Variants in DENND1A observed in about 807,000 individuals in gnomAD.
DENND1A encodes the protein DENN domain containing 1A, also known as DENN domain-containing protein 1A.
In DENND1A, 51 loss-of-function variants were observed where a neutral mutation model predicts 113.7. The ratio of observed to expected loss-of-function variants is 0.45; its 90% CI spans 0.36 to 0.57. DENND1A has a LOEUF of 0.57. Among genes scored for constraint, DENND1A ranks in the 20% least tolerant of loss-of-function variants. The pLI is 0.00. For missense variants in DENND1A, 1,258 were observed against 1,395.9 expected (o/e 0.90, Z 1.57); for synonymous variants, 565 against 570.8 (o/e 0.99, Z 0.14).
chr9:123,753,579 T>C (rs929048448), intron 5 of DENND1A, among the ~76,000 whole-genome samples: 15 of 152,214 alleles, frequency 9.9e-5, no homozygotes, highest in Admixed American at 5.2e-4. Context: ...TGAATTTACG[T>C]CCCATGACAC....
intron 1 of DENND1A, among the ~76,000 whole-genome samples, chr9:123,916,361 T>C (rs1855126197): frequency 6.7e-6 from 1 of 148,948 alleles, no homozygotes; most frequent in African/African-American, 2.5e-5. Flanking sequence ...TGAATATATC[T>C]ACGTATTTGC....
chr9:123,733,725 G>A (rs2068357366), intron 5 of DENND1A, among the ~76,000 whole-genome samples: 1 of 150,736 alleles, frequency 6.6e-6, no homozygotes, highest in Middle Eastern at 3.2e-3. Context: ...GAGTGCAATG[G>A]CACAGTCTTG....
At chr9:123,504,974 T>C (rs2052792588) in intron 13 of DENND1A, among the ~76,000 whole-genome samples, 1 of 152,206 alleles carries the variant, frequency 6.6e-6, no homozygotes, top group South Asian at 2.1e-4. Context: ...GGCGACAGCA[T>C]GACACAAGAA....
intron 6 of DENND1A, among the ~76,000 whole-genome samples, chr9:123,672,617 A>G (rs2063822738): frequency 6.6e-6 from 1 of 152,152 alleles, no homozygotes; most frequent in African/African-American, 2.4e-5. Flanking sequence ...AAGAGTGAGT[A>G]CATCATGAAT....
chr9:123,801,968 G>A (rs1427297793), intron 2 of DENND1A, among the ~76,000 whole-genome samples: 3 of 152,188 alleles, frequency 2.0e-5, no homozygotes, highest in Non-Finnish European at 4.4e-5. Context: ...TGAATTAACA[G>A]TCAATCATAC....
chr9:123,769,656 G>C lies in DENND1A; in HGVS notation c.133-93C>G, dbSNP rs991797777. The C allele has an allele frequency of 1.1e-4, 113 of 1,051,402 alleles. 3 individuals are homozygous for C. The Admixed American group carries it at 2.7e-3, about 26-fold the overall frequency. The allele number at this position is 1,051,402 out of a possible 1,614,324, so 65.1% of individuals were successfully genotyped here. A position where few individuals can be genotyped will look rare whatever the true frequency, so the allele number is the denominator to read the frequency against. On this transcript the variant is annotated intron_variant, in intron 3 of 23. Coordinates refer to ENST00000394215, the MANE Select transcript of DENND1A (RefSeq NM_001352964.2). Reference sequence around the variant, plus strand: ...CACAATCTAGCAACTTTACCCTAAAGAAAGAGGAGACAGATGAAGAAATAT... The same window carrying C: ...CACAATCTAGCAACTTTACCCTAAACAAAGAGGAGACAGATGAAGAAATAT...
At chr9:123,901,940 A>G (rs1433246143) in intron 1 of DENND1A, among the ~76,000 whole-genome samples, 1 of 152,176 alleles carries the variant, frequency 6.6e-6, no homozygotes, top group Middle Eastern at 3.2e-3. Context: ...CGGGAGACAG[A>G]GCTTGCAGTG....
intron 13 of DENND1A, among the ~76,000 whole-genome samples, chr9:123,529,367 C>T (rs1312252478): frequency 2.0e-5 from 3 of 152,110 alleles, no homozygotes; most frequent in Admixed American, 2.0e-4. Flanking sequence ...ACTCTGTGGG[C>T]GCTTAACAAA....
chr9:123,690,423 TATA>T (rs1429699544), intron 5 of DENND1A, among the ~76,000 whole-genome samples: 2 of 152,180 alleles, frequency 1.3e-5, no homozygotes, highest in South Asian at 2.1e-4. Context: ...AACCTAAATG[TATA>T]ATAATAGAAT....
chr9:123,380,347 G>A lies in DENND1A; in HGVS notation c.*1085C>T, dbSNP rs2042215277. ...TCTAACTTTGGTGACGTTGGCCTCA[G>A]GAATTTCTGTGCTGGCCTGGAGCTC... On this transcript the variant is annotated 3_prime_UTR_variant, in exon 24 of 24. Coordinates refer to ENST00000394215, the MANE Select transcript of DENND1A (RefSeq NM_001352964.2). 1 of 152,594 alleles carries A rather than the reference G, an allele frequency of 6.6e-6. No individual in the cohort carries two copies. The highest frequency in any genetic ancestry group is 1.5e-5 in the Non-Finnish European group (1 of 68,044). The allele number at this position is 152,594 out of a possible 1,614,324, so 9.5% of individuals were successfully genotyped here.
Position 123,651,895 on chromosome 9 carries a change from C to T in DENND1A, c.618+118G>A, listed in dbSNP as rs2139410585. 5 of 687,458 alleles carry T rather than the reference C, an allele frequency of 7.3e-6. No homozygotes were observed. In the South Asian group the frequency reaches 1.1e-4, roughly 15 times the overall value. The allele number at this position is 687,458 out of a possible 1,614,324, so 42.6% of individuals were successfully genotyped here. On this transcript the variant is annotated intron_variant, in intron 9 of 23. Coordinates refer to ENST00000394215, the MANE Select transcript of DENND1A (RefSeq NM_001352964.2). ...ATGAACAATTAATGAAAATGACATGCTGCCATATAAGGGGACTGTAGCTGA... is the reference window on the plus strand; with the variant it reads ...ATGAACAATTAATGAAAATGACATGTTGCCATATAAGGGGACTGTAGCTGA...
At chr9:123,840,941 T>C (rs2132957068) in intron 2 of DENND1A, among the ~76,000 whole-genome samples, 1 of 152,328 alleles carries the variant, frequency 6.6e-6, no homozygotes, top group Admixed American at 6.5e-5. Context: ...ATGCAGAATG[T>C]TAAGTGGCAT....
chr9:123,487,919 G>T (rs1320731610), intron 13 of DENND1A, among the ~76,000 whole-genome samples: 1 of 152,194 alleles, frequency 6.6e-6, no homozygotes, highest in African/African-American at 2.4e-5. Context: ...ACACAGAGCT[G>T]GGCAAATGCC....
intron 13 of DENND1A, among the ~76,000 whole-genome samples, chr9:123,503,207 G>A (rs1008992519): frequency 2.0e-5 from 3 of 152,216 alleles, no homozygotes; most frequent in Non-Finnish European, 4.4e-5. Flanking sequence ...AGATGGATTT[G>A]AGACCTGAAT....
chr9:123,884,744 G>A (rs577245502), intron 1 of DENND1A, among the ~76,000 whole-genome samples: 3 of 152,064 alleles, frequency 2.0e-5, no homozygotes, highest in Non-Finnish European at 2.9e-5. Context: ...TACTACTCCC[G>A]GTTTAGAGAT....
chr9:123,607,498 C>G lies in DENND1A; in HGVS notation c.765+1938G>C, dbSNP rs1383106892. ...AGACACAGAGAGAGAGACACACACA[C>G]ACACACACACACACACACACACAGA... On this transcript the variant is annotated intron_variant, in intron 11 of 23. Transcript: ENST00000394215. Among the ~76,000 whole-genome samples, 658 of 79,690 alleles carry G rather than the reference C, an allele frequency of 8.3e-3. 11 individuals are homozygous for G. Among genetic ancestry groups the G allele is most frequent in the African/African-American group, 0.033 (578 of 17,498 alleles). 52.3% of individuals were successfully genotyped at this position (79,690 alleles called of 152,430 possible).
intron 2 of DENND1A, among the ~76,000 whole-genome samples, chr9:123,803,867 A>G (rs1320416475): frequency 1.3e-5 from 2 of 152,224 alleles, no homozygotes; most frequent in African/African-American, 2.4e-5. Context: ...GACCCATGAC[A>G]ACCAAGCTTT....
At chr9:123,670,572 T>A (rs2063715728) in intron 7 of DENND1A, among the ~76,000 whole-genome samples, 1 of 152,194 alleles carries the variant, frequency 6.6e-6, no homozygotes, top group South Asian at 2.1e-4. Flanking sequence ...AATTGGTATT[T>A]CAGAGCACAG....
intron 1 of DENND1A, among the ~76,000 whole-genome samples, chr9:123,924,998 A>G (rs1031954625): frequency 5.9e-5 from 9 of 152,196 alleles, no homozygotes; most frequent in Non-Finnish European, 1.3e-4. Context: ...CACTCTATCT[A>G]AAATAGGACA....
Sources: allele counts gnomAD v4.1 joint callset (sites outside exome capture counted in the v4.1 genomes callset), GRCh38; gene constraint gnomAD v4.1.1; transcripts MANE v1.5; gene names NCBI Gene and HGNC (gene_info 2026-07-23, HGNC 2026-07-21).